ST6GALNAC5: variants seen among roughly 807,000 people sequenced by gnomAD.
The protein encoded by ST6GALNAC5 is ST6 N-acetylgalactosaminide alpha-2,6-sialyltransferase 5.
In ST6GALNAC5, 27 loss-of-function variants were observed where a neutral mutation model predicts 33.6. The observed-to-expected ratio is 0.80, with a 90% CI of 0.59 to 1.11. The LOEUF (loss-of-function observed/expected upper bound fraction) is 1.11. Ranked by LOEUF, ST6GALNAC5 falls within the 50% of genes least tolerant of loss-of-function variation. ST6GALNAC5 has a pLI of 0.00. For synonymous variants in ST6GALNAC5, 194 were observed against 171.2 expected, an observed-to-expected ratio of 1.13 and a Z score of -1.04; for missense variants, 428 against 454.0, an observed-to-expected ratio of 0.94 and a Z score of 0.52.
At chr1:76,966,820 T>G (rs1433187092) in intron 2 of ST6GALNAC5, among the ~76,000 whole-genome samples, 2 of 152,250 alleles carry the variant, frequency 1.3e-5, no homozygotes, top group South Asian at 2.1e-4. Context: ...CTGTTGAATT[T>G]TATCAAAGGC....
intron 3 of ST6GALNAC5, among the ~76,000 whole-genome samples, chr1:77,045,502 T>C (rs1651978256): frequency 6.6e-6 from 1 of 152,204 alleles, no homozygotes; most frequent in South Asian, 2.1e-4. Context: ...AAAATGAAAT[T>C]AAAACTGTGT....
chr1:77,044,196 C>T lies in ST6GALNAC5; in HGVS notation c.262-8C>T, dbSNP rs1270013003. On this transcript the variant is annotated splice_polypyrimidine_tract_variant and splice_region_variant and intron_variant, in intron 2 of 4. Transcript: ENST00000477717. Reference sequence around the variant, plus strand: ...CCCTGACAGTGTCCTTCTCCCCCTGCCTTCCAGCCCCTGAAAATGCACTGC... The same window carrying T: ...CCCTGACAGTGTCCTTCTCCCCCTGTCTTCCAGCCCCTGAAAATGCACTGC... 1 of 1,586,702 alleles carries T rather than the reference C, an allele frequency of 6.3e-7. No individual in the cohort carries two copies. The highest frequency in any genetic ancestry group is 8.6e-7 in the Non-Finnish European group (1 of 1,163,174).
At chr1:76,930,731 C>A (rs1357785452) in intron 2 of ST6GALNAC5, among the ~76,000 whole-genome samples, 1 of 152,102 alleles carries the variant, frequency 6.6e-6, no homozygotes, top group Non-Finnish European at 1.5e-5. Context: ...AGAGTGGATT[C>A]TTTGGATCCA....
At chr1:77,060,698 T>C (rs1378345530) in intron 4 of ST6GALNAC5, among the ~76,000 whole-genome samples, 1 of 152,148 alleles carries the variant, frequency 6.6e-6, no homozygotes, top group African/African-American at 2.4e-5. Flanking sequence ...AGATAAGTTT[T>C]TTTTCCAAAG....
rs144587444 is a variant in ST6GALNAC5 at position 77,059,540 on chromosome 1, A to G, written c.780-3435A>G. On this transcript the variant is annotated intron_variant, in intron 4 of 4. Coordinates refer to ENST00000477717, the MANE Select transcript of ST6GALNAC5 (RefSeq NM_030965.3). ...TCATAACAGGAAGTATGTGATGTCC[A>G]TACGTCTTATTACTGGCAATGTTAA... Among the ~76,000 whole-genome samples, 313 of 152,330 alleles carry G rather than the reference A, an allele frequency of 2.1e-3. 5 individuals carry two copies. Among genetic ancestry groups the G allele is most frequent in the East Asian group, 1.5e-3 (8 of 5,184 alleles).
At chr1:77,012,631 T>C (rs985601111) in intron 2 of ST6GALNAC5, among the ~76,000 whole-genome samples, 3 of 152,230 alleles carry the variant, frequency 2.0e-5, no homozygotes, top group Non-Finnish European at 4.4e-5. Context: ...CCTTGGCCTT[T>C]GTGAACCAAG....
chr1:77,032,030 G>A (rs1226076428), intron 2 of ST6GALNAC5, among the ~76,000 whole-genome samples: 2 of 152,162 alleles, frequency 1.3e-5, no homozygotes, highest in Non-Finnish European at 2.9e-5. Context: ...CATAGACAGC[G>A]AAAGGCAGAG....
intron 2 of ST6GALNAC5, among the ~76,000 whole-genome samples, chr1:76,891,436 G>A (rs1654010639): frequency 6.6e-6 from 1 of 151,866 alleles, no homozygotes; most frequent in South Asian, 2.1e-4. Flanking sequence ...CATTTTTATT[G>A]GATTGTTTTT....
chr1:76,868,365 G>A lies in ST6GALNAC5; in HGVS notation c.16-132G>A. ...TGCTTTCTCTGTCCCAGTTGCGTGC[G>A]GCGGGGCTGGGGCCCAGGCCGCCCC... On this transcript the variant is annotated intron_variant, in intron 1 of 4. Coordinates refer to ENST00000477717, the MANE Select transcript of ST6GALNAC5 (RefSeq NM_030965.3). The surrounding 1 kb of genome is among the most constrained non-coding windows in gnomAD (Gnocchi z 4.3). 1.5e-6 allele frequency: 2 copies of A among 1,345,484 alleles called. No individual in the cohort carries two copies. The allele number at this position is 1,345,484 out of a possible 1,614,324, so 83.3% of individuals were successfully genotyped here.
At chr1:76,954,117 G>A (rs916673913) in intron 2 of ST6GALNAC5, among the ~76,000 whole-genome samples, 5 of 152,032 alleles carry the variant, frequency 3.3e-5, no homozygotes, top group African/African-American at 4.8e-5. Context: ...TAGAAATGAT[G>A]AGTGTTTACC....
intron 2 of ST6GALNAC5, among the ~76,000 whole-genome samples, chr1:76,884,173 T>G (rs1278056120): frequency 6.6e-6 from 1 of 152,152 alleles, no homozygotes; most frequent in African/African-American, 2.4e-5. Flanking sequence ...TGCCTTAAGT[T>G]TCTATGATTG....
chr1:76,905,408 G>A (rs1646855733), intron 2 of ST6GALNAC5, among the ~76,000 whole-genome samples: 1 of 152,150 alleles, frequency 6.6e-6, no homozygotes, highest in Admixed American at 6.5e-5. Flanking sequence ...CCTGCTGCAT[G>A]GGTCAGGCTG....
chr1:76,872,119 CA>C (rs1557704792), intron 2 of ST6GALNAC5, among the ~76,000 whole-genome samples: 2 of 119,944 alleles, frequency 1.7e-5, no homozygotes, highest in African/African-American at 7.5e-5. Context: ...ACACACACAC[CA>C]CACACATTAA....
chr1:76,871,647 T>C (rs1423252386), intron 2 of ST6GALNAC5, among the ~76,000 whole-genome samples: 1 of 152,202 alleles, frequency 6.6e-6, no homozygotes, highest in Non-Finnish European at 1.5e-5. Flanking sequence ...TTGAAATATA[T>C]GCTGCAAGTC....
intron 2 of ST6GALNAC5, among the ~76,000 whole-genome samples, chr1:76,900,632 A>C (rs74621793): frequency 2.4e-3 from 360 of 152,360 alleles, no homozygotes; most frequent in African/African-American, 8.3e-3. Flanking sequence ...GCATCCTCAC[A>C]TTGAACAAAA....
intron 2 of ST6GALNAC5, among the ~76,000 whole-genome samples, chr1:76,886,283 T>C (rs1026750035): frequency 7.2e-5 from 11 of 152,204 alleles, no homozygotes; most frequent in Non-Finnish European, 1.5e-4. Flanking sequence ...CTTACTGAAT[T>C]CTATGACTAT....
chr1:76,973,741 A>G (rs1648863203), intron 2 of ST6GALNAC5, among the ~76,000 whole-genome samples: 1 of 152,168 alleles, frequency 6.6e-6, no homozygotes, highest in African/African-American at 2.4e-5. Flanking sequence ...TTTAATAGGT[A>G]TATCTTAAAT....
chr1:76,974,110 A>G (rs1648892132), intron 2 of ST6GALNAC5, among the ~76,000 whole-genome samples: 1 of 152,156 alleles, frequency 6.6e-6, no homozygotes, highest in Non-Finnish European at 1.5e-5. Context: ...ATTCAAATTA[A>G]AATTACAAAT....
intron 2 of ST6GALNAC5, among the ~76,000 whole-genome samples, chr1:76,885,094 T>G (rs1653864142): frequency 6.6e-6 from 1 of 152,190 alleles, no homozygotes; most frequent in Non-Finnish European, 1.5e-5. Flanking sequence ...TTACTTTATA[T>G]CTCTTTCAGG....
Sources: gnomAD v4.1 joint callset for allele counts (sites outside exome capture counted in the v4.1 genomes callset) on GRCh38, gnomAD v4.1.1 for gene constraint, Gnocchi (gnomAD v3.1) non-coding constraint, MANE v1.5 for transcripts, NCBI Gene and HGNC (gene_info 2026-07-23, HGNC 2026-07-21) for gene names.